UBE3A: variants seen among roughly 807,000 people sequenced by gnomAD.
UBE3A encodes the protein ubiquitin-protein ligase E3A.
A neutral mutation model predicts 83.4 loss-of-function variants in UBE3A; 6 were observed. The observed-to-expected ratio is 0.07, with a 90% CI of 0.04 to 0.14. The LOEUF (loss-of-function observed/expected upper bound fraction) is 0.14. UBE3A is among the 10% of genes least tolerant of loss of function. The pLI is 1.00. For synonymous variants in UBE3A, 337 were observed against 355.4 expected, an observed-to-expected ratio of 0.95 and a Z score of 0.58; for missense variants, 456 against 1,036.1, an observed-to-expected ratio of 0.44 and a Z score of 7.69.
chr15:25,337,913 G>GAAAGT lies in UBE3A; in HGVS notation c.*1219_*1223dup, dbSNP rs1339735849. 6.6e-6 allele frequency: 1 copy of GAAAGT among 152,126 alleles called. No homozygotes were observed. Among genetic ancestry groups the GAAAGT allele is most frequent in the African/African-American group, 2.4e-5 (1 of 41,434 alleles). 9.4% of individuals were successfully genotyped at this position (152,126 alleles called of 1,614,324 possible). ...CTACTTGTACTTTTCCATAGTACAT[G>GAAAGT]AAAGTAACGTTTAACATGTTTTGAA... On this transcript the variant is annotated 3_prime_UTR_variant, in exon 13 of 13. Coordinates refer to ENST00000648336, the MANE Select transcript of UBE3A (RefSeq NM_130839.5).
rs568555322 is a variant in UBE3A, at chr15:25,411,315, C to T, written c.-101+593G>A. Among the ~76,000 whole-genome samples the T allele has an allele frequency of 4.3e-4, 65 of 152,276 alleles. 1 individual carries two copies. Among genetic ancestry groups the T allele is most frequent in the Middle Eastern group, 3.4e-3 (1 of 294 alleles). The stretch of plus-strand genomic sequence containing the variant: ...CATAATGTGCTCACAAATGGCTGGG[C>T]GTGGTGGCTAACGCCTGTAATCCCA... On this transcript the variant is annotated intron_variant, in intron 2 of 12. Coordinates refer to ENST00000648336, the MANE Select transcript of UBE3A (RefSeq NM_130839.5).
chr15:25,390,215 G>A (rs139878808), intron 4 of UBE3A, among the ~76,000 whole-genome samples: 45 of 152,256 alleles, frequency 3.0e-4, no homozygotes, highest in African/African-American at 9.4e-4. Context: ...AAAGGATAGC[G>A]TCATATTAGA....
intron 3 of UBE3A, among the ~76,000 whole-genome samples, chr15:25,405,763 AC>A (rs1889388762): frequency 6.6e-6 from 1 of 152,238 alleles, no homozygotes; most frequent in African/African-American, 2.4e-5. Context: ...ATACCAACAG[AC>A]AAGCCATTAT....
rs137999162 is a variant in UBE3A, at chr15:25,370,977, A to T, written c.1197T>A (p.Pro399=). The T allele has an allele frequency of 6.2e-7, 1 of 1,614,114 alleles. No homozygotes were observed. The highest frequency in any genetic ancestry group is 1.3e-5 in the African/African-American group (1 of 75,028). The change falls in exon 6 of 13, where the codon CCT becomes CCA. Residue 399 remains proline, a synonymous_variant. Coordinates refer to ENST00000648336, the MANE Select transcript of UBE3A (RefSeq NM_130839.5). The surrounding 1 kb of genome is among the most constrained non-coding windows in gnomAD (Gnocchi z 4.2). The part of the protein sequence containing the change: ...HNEEDDEEPI[P]ESSELTLQEL... ...CCTGAAGTGTCAGCTCGCTGGACTC[A>T]GGGATGGGCTCTTCATCATCTTCTT...
intron 9 of UBE3A, among the ~76,000 whole-genome samples, chr15:25,355,262 T>C (rs1357022795): frequency 6.6e-6 from 1 of 152,128 alleles, no homozygotes; most frequent in African/African-American, 2.4e-5. Flanking sequence ...TCAGCAAAAA[T>C]GTGGAAGTAC....
rs753078220 is a variant in UBE3A, at chr15:25,371,013, T to C, written c.1161A>G (p.Thr387=). Residue 387 remains threonine (T), a synonymous_variant, in exon 6 of 13, where the codon ACA becomes ACG. Transcript: ENST00000648336. This position sits in a 1 kb window ranked among gnomAD's most constrained non-coding sequence, Gnocchi z 5.3. ...CTTCATCATCTTCTTCATTGTGATT[T>C]GTGTCCACTTCCCCTCCCACTACAT... The part of the protein sequence containing the change: ...YANVVGGEVD[T]NHNEEDDEEP... 2 of 1,614,120 alleles carry C rather than the reference T, an allele frequency of 1.2e-6. No homozygotes were observed. The highest frequency in any genetic ancestry group is 4.5e-5 in the East Asian group (2 of 44,878).
At chr15:25,356,952 G>A (rs926480808) in intron 7 of UBE3A, 56 bp from the exon 8 acceptor site, 17 of 1,381,634 alleles carry the variant, frequency 1.2e-5, no homozygotes, top group Middle Eastern at 4.4e-4. Context: ...AAGGACTGAT[G>A]AATAATACAA....
chr15:25,373,037 TAC>T (rs574706797), intron 5 of UBE3A, among the ~76,000 whole-genome samples: 3 of 152,220 alleles, frequency 2.0e-5, no homozygotes, highest in East Asian at 3.9e-4. Flanking sequence ...TACCAACACT[TAC>T]AGTTTCTTTT....
intron 4 of UBE3A, among the ~76,000 whole-genome samples, chr15:25,392,133 G>A (rs531996366): frequency 1.3e-5 from 2 of 152,240 alleles, no homozygotes; most frequent in East Asian, 1.9e-4. Flanking sequence ...AAGCAGCAGT[G>A]GAGAACACGA....
intron 4 of UBE3A, among the ~76,000 whole-genome samples, chr15:25,383,573 A>G (rs1371083028): frequency 1.3e-5 from 2 of 152,124 alleles, no homozygotes; most frequent in African/African-American, 4.8e-5. Context: ...CGGGAGGCGG[A>G]GCTGGCAGTG....
chr15:25,417,485 A>AC (rs1887492024), intron 1 of UBE3A, among the ~76,000 whole-genome samples: 1 of 152,162 alleles, frequency 6.6e-6, no homozygotes, highest in Non-Finnish European at 1.5e-5. Context: ...ACAACCCATG[A>AC]CCAAGAGAAA....
chr15:25,385,790 T>C (rs533465384), intron 4 of UBE3A, among the ~76,000 whole-genome samples: 1 of 152,132 alleles, frequency 6.6e-6, no homozygotes, highest in Admixed American at 6.5e-5. Flanking sequence ...TGAAGTGTAA[T>C]AGACAAATTG....
chr15:25,426,868 G>A (rs573255460), intron 1 of UBE3A, among the ~76,000 whole-genome samples: 1 of 151,872 alleles, frequency 6.6e-6, no homozygotes, highest in African/African-American at 2.4e-5. Context: ...ACCGCGGCTG[G>A]AGTGCAGTGG....
chr15:25,365,731 G>A (rs1256258652), intron 6 of UBE3A, among the ~76,000 whole-genome samples: 2 of 131,790 alleles, frequency 1.5e-5, no homozygotes, highest in Non-Finnish European at 3.1e-5. Flanking sequence ...CTGGGTGACA[G>A]AGCAAGACTC....
At chr15:25,376,927 T>A (rs2081326534) in intron 4 of UBE3A, among the ~76,000 whole-genome samples, 1 of 151,968 alleles carries the variant, frequency 6.6e-6, no homozygotes, top group Non-Finnish European at 1.5e-5. Flanking sequence ...CACTAAAGAG[T>A]CTATGCTTCT....
In UBE3A at chr15:25,341,970, C is replaced by T. The variant is rs117473243; in HGVS notation, c.2355-1742G>A. ...ATAACTTAAAAGTTTTATTAGAATT[C>T]TTGGCTTTCTCCAATCTCTTGCCAC... On this transcript the variant is annotated intron_variant, in intron 11 of 12. Coordinates refer to ENST00000648336, the MANE Select transcript of UBE3A (RefSeq NM_130839.5). 3.9e-3 allele frequency among the ~76,000 whole-genome samples: 600 copies of T among 152,158 alleles called. 3 individuals carry two copies. The highest frequency in any genetic ancestry group is 6.9e-3 in the Non-Finnish European group (468 of 67,982).
At chr15:25,420,608 T>C (rs1245419421) in intron 1 of UBE3A, 1 of 152,110 alleles carries the variant, frequency 6.6e-6, no homozygotes, top group Admixed American at 6.5e-5. Context: ...TAATGACTTT[T>C]TACACCCATT....
Position 25,375,435 on chromosome 15 carries a change from C to T in UBE3A, c.361+30G>A, listed in dbSNP as rs367646993. 2.9e-5 allele frequency: 47 copies of T among 1,609,624 alleles called. No homozygotes were observed. Among genetic ancestry groups the T allele is most frequent in the Non-Finnish European group, 3.9e-5 (46 of 1,177,518 alleles). On this transcript the variant is annotated intron_variant, in intron 5 of 12. Coordinates refer to ENST00000648336, the MANE Select transcript of UBE3A (RefSeq NM_130839.5). ...AATCTCCCACATGGTTTTCAGGCAA[C>T]AATTCTCAATTGAAAATAAAACATC...
chr15:25,333,747 GT>G lies in UBE3A; in HGVS notation c.*5389del, dbSNP rs1225890074. On this transcript the variant is annotated 3_prime_UTR_variant, in exon 13 of 13. Transcript: ENST00000648336. ...ACCAAATCCAGCAGCATAGAACAAG[GT>G]TTATGTAGCATGGACAACTGAGATT... 6.6e-6 allele frequency: 1 copy of G among 152,100 alleles called. No individual in the cohort carries two copies. Among genetic ancestry groups the G allele is most frequent in the Non-Finnish European group, 1.5e-5 (1 of 68,034 alleles). 9.4% of individuals were successfully genotyped at this position (152,100 alleles called of 1,614,324 possible). A position where few individuals can be genotyped will look rare whatever the true frequency, so the allele number is the denominator to read the frequency against.
Sources: allele counts gnomAD v4.1 joint callset (sites outside exome capture counted in the v4.1 genomes callset), GRCh38; gene constraint gnomAD v4.1.1; non-coding constraint Gnocchi (gnomAD v3.1); transcripts MANE v1.5; gene names NCBI Gene and HGNC (gene_info 2026-07-23, HGNC 2026-07-21).